Variants in ASTN2 observed in about 807,000 individuals in gnomAD.
ASTN2 encodes astrotactin-2.
A neutral mutation model predicts 139.8 loss-of-function variants in ASTN2; 54 were observed. That is an observed-to-expected ratio of 0.39 (90% confidence interval 0.31 to 0.48). The LOEUF (loss-of-function observed/expected upper bound fraction) is 0.48, where lower values mean the gene tolerates loss of function less well. ASTN2 is among the 20% of genes least tolerant of loss of function. The pLI, the probability that ASTN2 is intolerant of heterozygous loss-of-function variation, is 0.95. For synonymous variants in ASTN2, 756 were observed against 719.5 expected, an observed-to-expected ratio of 1.05 and a Z score of -0.81; for missense variants, 1,565 against 1,725.1, an observed-to-expected ratio of 0.91 and a Z score of 1.64.
intron 18 of ASTN2, among the ~76,000 whole-genome samples, chr9:116,619,688 A>ATTTTTTTTTTT (rs766517097): frequency 2.7e-5 from 2 of 74,316 alleles, no homozygotes; most frequent in Non-Finnish European, 4.9e-5. Context: ...CACACGGGCT[A>ATTTTTTTTTTT]TTTTTTTTTT....
At chr9:116,745,901 T>A (rs538739166) in intron 13 of ASTN2, among the ~76,000 whole-genome samples, 11 of 152,248 alleles carry the variant, frequency 7.2e-5, no homozygotes, top group South Asian at 6.2e-4. Flanking sequence ...ATTTTATAGT[T>A]CTCTAGGTCA....
chr9:117,380,002 T>A (rs956377772), intron 1 of ASTN2, among the ~76,000 whole-genome samples: 1 of 151,922 alleles, frequency 6.6e-6, no homozygotes, highest in African/African-American at 2.4e-5. Flanking sequence ...AAGGCAAGAA[T>A]CAGGAGAAAA....
At chr9:116,848,262 G>A (rs972160195) in intron 11 of ASTN2, among the ~76,000 whole-genome samples, 1 of 152,184 alleles carries the variant, frequency 6.6e-6, no homozygotes, top group African/African-American at 2.4e-5. Context: ...ATGTCTTTCT[G>A]TTTTCAGAAG....
intron 19 of ASTN2, among the ~76,000 whole-genome samples, chr9:116,507,708 C>T (rs1252298414): frequency 6.6e-6 from 1 of 152,096 alleles, no homozygotes; most frequent in Non-Finnish European, 1.5e-5. Context: ...TTGGTACTGT[C>T]ATCTCCACTT....
intron 1 of ASTN2, among the ~76,000 whole-genome samples, chr9:117,316,850 C>G (rs1184774958): frequency 1.3e-5 from 2 of 152,150 alleles, no homozygotes; most frequent in African/African-American, 4.8e-5. Context: ...CCTGGGGATC[C>G]TTTGGTCTGG....
chr9:117,317,714 C>T (rs1187910443), intron 1 of ASTN2, among the ~76,000 whole-genome samples: 1 of 152,172 alleles, frequency 6.6e-6, no homozygotes, highest in Non-Finnish European at 1.5e-5. Flanking sequence ...CACTTCCATC[C>T]ATCACCAGCC....
At chr9:116,999,548 C>CTTTTTTTTTTTTTTTTTTTTT (rs71379248) in intron 7 of ASTN2, among the ~76,000 whole-genome samples, 1 of 94,920 alleles carries the variant, frequency 1.1e-5, no homozygotes, top group Admixed American at 1.1e-4. Flanking sequence ...TTCTCTCTTT[C>CTTTTTTTTTTTTTTTTTTTTT]TTTTTTTTTT....
chr9:116,627,057 C>T (rs554065392), intron 17 of ASTN2, among the ~76,000 whole-genome samples: 2 of 152,260 alleles, frequency 1.3e-5, no homozygotes, highest in African/African-American at 2.4e-5. Context: ...GCCCATCTAA[C>T]CTGACAGTGA....
chr9:117,352,288 GC>G (rs1829415085), intron 1 of ASTN2, among the ~76,000 whole-genome samples: 1 of 152,092 alleles, frequency 6.6e-6, no homozygotes, highest in African/African-American at 2.4e-5. Flanking sequence ...ACTGATTTCC[GC>G]TGTACTTTCC....
intron 2 of ASTN2, among the ~76,000 whole-genome samples, chr9:117,242,781 G>C (rs948514304): frequency 6.6e-6 from 1 of 152,182 alleles, no homozygotes; most frequent in Non-Finnish European, 1.5e-5. Flanking sequence ...CTGGTGTGTG[G>C]AACCAATCAA....
chr9:116,795,278 T>G (rs940346841), intron 13 of ASTN2, among the ~76,000 whole-genome samples: 1 of 152,204 alleles, frequency 6.6e-6, no homozygotes, highest in African/African-American at 2.4e-5. Context: ...GCACCCGGCC[T>G]TATCAGTAAA....
At chr9:117,369,525 C>A (rs1271657467) in intron 1 of ASTN2, among the ~76,000 whole-genome samples, 1 of 152,036 alleles carries the variant, frequency 6.6e-6, no homozygotes, top group Non-Finnish European at 1.5e-5. Flanking sequence ...CTGCCTGACC[C>A]CACAATCCAG....
At chr9:117,090,060 G>T (rs967068181) in intron 5 of ASTN2, among the ~76,000 whole-genome samples, 1 of 152,162 alleles carries the variant, frequency 6.6e-6, no homozygotes, top group African/African-American at 2.4e-5. Context: ...CATATCAATG[G>T]TTTAAGGCAG....
intron 5 of ASTN2, among the ~76,000 whole-genome samples, chr9:117,075,365 T>C (rs530832869): frequency 7.2e-5 from 11 of 152,086 alleles, no homozygotes; most frequent in Admixed American, 5.9e-4. Flanking sequence ...GCTGGGGTTT[T>C]TAATTAGCTG....
intron 6 of ASTN2, among the ~76,000 whole-genome samples, chr9:117,031,564 C>G (rs1838247761): frequency 6.6e-6 from 1 of 151,774 alleles, no homozygotes; most frequent in Non-Finnish European, 1.5e-5. Context: ...CAAGAGAGAA[C>G]AACATTAACT....
chr9:116,439,490 G>A (rs1259731701), intron 22 of ASTN2, among the ~76,000 whole-genome samples: 5 of 139,788 alleles, frequency 3.6e-5, no homozygotes, highest in African/African-American at 1.2e-4. Context: ...GTGAGCCACC[G>A]CGCCCGGCCT....
chr9:117,103,473 T>G (rs1461372802), intron 4 of ASTN2, among the ~76,000 whole-genome samples: 4 of 152,160 alleles, frequency 2.6e-5, no homozygotes, highest in African/African-American at 9.7e-5. Context: ...GAAAGTCATG[T>G]TATGGAAAAG....
At chr9:116,686,278 A>G (rs894775759) in intron 16 of ASTN2, among the ~76,000 whole-genome samples, 3 of 152,180 alleles carry the variant, frequency 2.0e-5, no homozygotes, top group African/African-American at 7.2e-5. Context: ...GTGTAGGTTA[A>G]CCATCAGCTG....
rs1338607734 is a variant in ASTN2, at chr9:116,975,231, G to A, written c.1866C>T (p.Val622=). The A allele has an allele frequency of 6.2e-7, 1 of 1,612,752 alleles. No individual in the cohort carries two copies. The highest frequency in any genetic ancestry group is 1.3e-5 in the African/African-American group (1 of 74,866). The change falls in exon 10 of 23, where the codon GTC becomes GTT. Residue 622 remains valine (V), a synonymous_variant. Coordinates refer to ENST00000313400, the MANE Select transcript of ASTN2 (RefSeq NM_001365068.1). ...ACCTGACATCTGCAGGGTCTTCCGT[G>A]ACGAGCACATCGGTCTTGCAGCTGG... ...PLASCKTDVL[V]TEDPADVREE...
Sources: allele counts gnomAD v4.1 joint callset (sites outside exome capture counted in the v4.1 genomes callset), GRCh38; gene constraint gnomAD v4.1.1; transcripts MANE v1.5; gene names NCBI Gene and HGNC (gene_info 2026-07-23, HGNC 2026-07-21).